CCDC178: variants seen among roughly 807,000 people sequenced by gnomAD.
The protein encoded by CCDC178 is coiled-coil domain containing 178.
CCDC178 carries 126 observed loss-of-function variants against 117.4 expected under a neutral mutation model. That is an observed-to-expected ratio of 1.07 (90% CI 0.93 to 1.24). The LOEUF (loss-of-function observed/expected upper bound fraction) is 1.24. Ranked by LOEUF, CCDC178 falls within the 50% of genes most tolerant of loss-of-function variation. The pLI, the probability that CCDC178 is intolerant of heterozygous loss-of-function variation, is 0.00. For synonymous variants in CCDC178, 283 were observed against 313.4 expected, an observed-to-expected ratio of 0.90 and a Z score of 1.02; for missense variants, 1,030 against 986.9, an observed-to-expected ratio of 1.04 and a Z score of -0.59.
intron 21 of CCDC178, among the ~76,000 whole-genome samples, chr18:32,982,301 C>G (rs1045901254): frequency 1.3e-5 from 2 of 152,098 alleles, no homozygotes; most frequent in African/African-American, 4.8e-5. Flanking sequence ...AAGAATCAGA[C>G]ATCACAACAG....
chr18:33,402,985 C>T (rs941212502), intron 3 of CCDC178, among the ~76,000 whole-genome samples: 1 of 152,200 alleles, frequency 6.6e-6, no homozygotes, highest in Non-Finnish European at 1.5e-5. Context: ...TACTGTGATG[C>T]ACAATTCTAG....
intron 20 of CCDC178, among the ~76,000 whole-genome samples, chr18:33,194,325 G>A (rs112802164): frequency 6.6e-6 from 1 of 152,102 alleles, no homozygotes; most frequent in African/African-American, 2.4e-5. Context: ...AATGAAATAG[G>A]TAATCCTGGA....
chr18:32,959,019 T>C (rs1388361541), intron 22 of CCDC178, among the ~76,000 whole-genome samples: 2 of 152,156 alleles, frequency 1.3e-5, no homozygotes, highest in African/African-American at 4.8e-5. Flanking sequence ...TGGTAACAAG[T>C]TCTCCCATCC....
intron 6 of CCDC178, among the ~76,000 whole-genome samples, chr18:33,361,990 A>G (rs1195646459): frequency 6.6e-6 from 1 of 151,730 alleles, no homozygotes; most frequent in Non-Finnish European, 1.5e-5. Context: ...GCTCGTAAAG[A>G]TATCTTCACA....
intron 20 of CCDC178, among the ~76,000 whole-genome samples, chr18:33,154,245 C>T (rs926006128): frequency 6.6e-6 from 1 of 152,244 alleles, no homozygotes; most frequent in East Asian, 1.9e-4. Flanking sequence ...TTCTTGTTGA[C>T]TCAGCTTTTT....
chr18:33,393,758 T>C (rs1322061572), intron 4 of CCDC178, among the ~76,000 whole-genome samples: 1 of 152,148 alleles, frequency 6.6e-6, no homozygotes, highest in Non-Finnish European at 1.5e-5. Flanking sequence ...TTAGGTTGTT[T>C]CCAGTTTTCA....
chr18:33,206,364 A>C (rs1167939510), intron 20 of CCDC178, among the ~76,000 whole-genome samples: 2 of 152,096 alleles, frequency 1.3e-5, no homozygotes, highest in Non-Finnish European at 2.9e-5. Context: ...CAATCAAAGG[A>C]AATAATAAAG....
rs116729546 is a variant in CCDC178, at chr18:33,037,648, A to G, written c.2388+55113T>C. Among the ~76,000 whole-genome samples, 501 of 152,070 alleles carry G rather than the reference A, an allele frequency of 3.3e-3. 2 individuals carry two copies. Among genetic ancestry groups the G allele is most frequent in the African/African-American group, 0.012 (482 of 41,542 alleles). Reference sequence around the variant, plus strand: ...TCTTCTTTCTCAAAAGTTTATGAATATATGTAAACTCTCTTGGATAAATCT... The same window carrying G: ...TCTTCTTTCTCAAAAGTTTATGAATGTATGTAAACTCTCTTGGATAAATCT... On this transcript the variant is annotated intron_variant, in intron 21 of 22. Transcript: ENST00000383096.
intron 21 of CCDC178, among the ~76,000 whole-genome samples, chr18:33,042,049 T>C (rs897137409): frequency 1.3e-5 from 2 of 151,910 alleles, no homozygotes; most frequent in Non-Finnish European, 2.9e-5. Context: ...TTGATATTCA[T>C]TGAAGTTATT....
intron 10 of CCDC178, among the ~76,000 whole-genome samples, chr18:33,326,078 T>C (rs1444101635): frequency 3.3e-5 from 5 of 152,214 alleles, no homozygotes; most frequent in Non-Finnish European, 7.3e-5. Context: ...GGCAGAATTC[T>C]GTTACAGCTC....
intron 20 of CCDC178, among the ~76,000 whole-genome samples, chr18:33,164,737 A>G (rs1320521798): frequency 1.3e-5 from 2 of 152,112 alleles, no homozygotes; most frequent in Non-Finnish European, 2.9e-5. Context: ...TTTTGGTTAT[A>G]GTATTTGGAG....
At chr18:32,973,220 GAC>G (rs1462451279) in intron 22 of CCDC178, among the ~76,000 whole-genome samples, 2 of 152,150 alleles carry the variant, frequency 1.3e-5, no homozygotes, top group African/African-American at 4.8e-5. Flanking sequence ...TATTTGAAAA[GAC>G]ATAATAATTC....
In CCDC178 at chr18:33,346,252, G is replaced by A; in HGVS notation, c.617C>T (p.Ser206Leu). 2 of 1,613,920 alleles carry A rather than the reference G, an allele frequency of 1.2e-6. No homozygotes were observed. The highest frequency in any genetic ancestry group is 1.1e-5 in the South Asian group (1 of 91,058). ...NMINMKIDSWSVWKLQELPLA... is the reference protein window; with the variant it reads ...NMINMKIDSWLVWKLQELPLA... ...TGGGAGTTCTTGAAGTTTCCAGACT[G>A]ACCAAGAGTCAATTTTCATGTTAAT... Residue 206 changes from serine to leucine, a missense_variant, in exon 9 of 23, where the codon TCA (serine) becomes TTA (leucine). By Grantham distance (145) the Ser-to-Leu change is moderately radical. Transcript: ENST00000383096.
chr18:33,159,320 G>GCC, intron 20 of CCDC178, among the ~76,000 whole-genome samples: 1 of 152,192 alleles, frequency 6.6e-6, no homozygotes, highest in Admixed American at 6.5e-5. Context: ...GTGCCATTTT[G>GCC]TTGAACATTA....
intron 14 of CCDC178, among the ~76,000 whole-genome samples, chr18:33,250,183 T>A (rs2088897536): frequency 6.6e-6 from 1 of 151,792 alleles, no homozygotes; most frequent in South Asian, 2.1e-4. Context: ...ATGTATTGAT[T>A]GTGAAAAATT....
In CCDC178 at chr18:32,960,142, A is replaced by G. The variant is rs1432998357; in HGVS notation, c.2523+14405T>C. 3.3e-5 allele frequency among the ~76,000 whole-genome samples: 5 copies of G among 152,222 alleles called. No homozygotes were observed. In the East Asian group the frequency reaches 7.7e-4, roughly 24 times the overall value. ...CACATTGTGAAATAAATGCACTTTT[A>G]TCTTAGATATCAATATATGAATTGT... On this transcript the variant is annotated intron_variant, in intron 22 of 22. Coordinates refer to ENST00000383096, the MANE Select transcript of CCDC178 (RefSeq NM_001105528.4).
At chr18:33,410,015 T>C (rs2063829856) in intron 3 of CCDC178, among the ~76,000 whole-genome samples, 1 of 152,230 alleles carries the variant, frequency 6.6e-6, no homozygotes, top group African/African-American at 2.4e-5. Flanking sequence ...ATATGTAGTT[T>C]TATCTGCTAT....
At chr18:33,032,924 C>T (rs1005065498) in intron 21 of CCDC178, among the ~76,000 whole-genome samples, 1 of 151,946 alleles carries the variant, frequency 6.6e-6, no homozygotes, top group Non-Finnish European at 1.5e-5. Context: ...TACTAACAAC[C>T]CCTGAATTGG....
rs571832296 is a variant in CCDC178, at chr18:33,337,066, G to A, written c.659-3672C>T. ...GTTTCCATTTGTTTGTGTAGTCTAA[G>A]ATTTCTTTCAGCAGTGTTATGTAGT... On this transcript the variant is annotated intron_variant, in intron 9 of 22. Transcript: ENST00000383096. Among the ~76,000 whole-genome samples the A allele has an allele frequency of 1.6e-3, 235 of 151,112 alleles. 2 individuals carry two copies. Among genetic ancestry groups the A allele is most frequent in the African/African-American group, 5.6e-3 (230 of 41,284 alleles).
Sources: gnomAD v4.1 joint callset for allele counts (sites outside exome capture counted in the v4.1 genomes callset) on GRCh38, gnomAD v4.1.1 for gene constraint, MANE v1.5 for transcripts, NCBI Gene and HGNC (gene_info 2026-07-23, HGNC 2026-07-21) for gene names.